XKR4: variants seen among roughly 807,000 people sequenced by gnomAD.
The protein encoded by XKR4 is XK related 4.
XKR4 carries 12 observed loss-of-function variants against 53.9 expected under a neutral mutation model. The observed-to-expected ratio is 0.22, with a 90% confidence interval of 0.14 to 0.36. XKR4 has a LOEUF of 0.36. XKR4 is among the 10% of genes least tolerant of loss of function. The pLI, the probability that XKR4 is intolerant of heterozygous loss-of-function variation, is 1.00. For synonymous variants in XKR4, 354 were observed against 362.4 expected, an observed-to-expected ratio of 0.98 and a Z score of 0.26; for missense variants, 799 against 859.5, an observed-to-expected ratio of 0.93 and a Z score of 0.88.
chr8:55,167,838 G>A (rs1817090854), intron 1 of XKR4, among the ~76,000 whole-genome samples: 1 of 152,208 alleles, frequency 6.6e-6, no homozygotes, highest in Non-Finnish European at 1.5e-5. Context: ...AGAGACCAAA[G>A]AGATGGGGCT....
At position 55,524,311 on chromosome 8, in the gene XKR4, C is replaced by G; in HGVS notation, c.*84C>G. ...GCCATAATGACACTTCATCCTAGAG[C>G]AGGGCAGTGAGCCGTGAAGTTCCTA... On this transcript the variant is annotated 3_prime_UTR_variant, in exon 3 of 3. Coordinates refer to ENST00000327381, the MANE Select transcript of XKR4 (RefSeq NM_052898.2). The G allele has an allele frequency of 2.2e-6, 3 of 1,358,280 alleles. No individual in the cohort carries two copies. Among genetic ancestry groups the G allele is most frequent in the Non-Finnish European group, 3.0e-6 (3 of 990,696 alleles). 84.1% of individuals were successfully genotyped at this position (1,358,280 alleles called of 1,614,324 possible). A position where few individuals can be genotyped will look rare whatever the true frequency, so the allele number is the denominator to read the frequency against.
chr8:55,277,230 C>A (rs898513534), intron 1 of XKR4, among the ~76,000 whole-genome samples: 2 of 152,170 alleles, frequency 1.3e-5, no homozygotes, highest in African/African-American at 4.8e-5. Context: ...GATATGTTCA[C>A]CATCCATCAT....
chr8:55,121,029 CT>C (rs1816384034), intron 1 of XKR4, among the ~76,000 whole-genome samples: 1 of 152,166 alleles, frequency 6.6e-6, no homozygotes, highest in African/African-American at 2.4e-5. Flanking sequence ...TCCTCCATAT[CT>C]TTTATGGCTT....
chr8:55,410,177 C>A (rs550500916), intron 2 of XKR4, among the ~76,000 whole-genome samples: 5 of 152,286 alleles, frequency 3.3e-5, no homozygotes, highest in Admixed American at 6.5e-5. Context: ...GACTCACCCC[C>A]CTTCTGGCTG....
Position 55,304,612 on chromosome 8 carries a change from T to C in XKR4, c.807-53066T>C, listed in dbSNP as rs184591794. Among the ~76,000 whole-genome samples, 4 of 152,272 alleles carry C rather than the reference T, an allele frequency of 2.6e-5. No individual in the cohort carries two copies. In the East Asian group the frequency reaches 7.7e-4, roughly 29 times the overall value. On this transcript the variant is annotated intron_variant, in intron 1 of 2. Transcript: ENST00000327381. ...GACAGTGGGGTGTTAAAGTCTCCCA[T>C]TATTATTGTGTGGGAGTCTAAGTCT...
intron 1 of XKR4, among the ~76,000 whole-genome samples, chr8:55,304,377 T>C (rs1038212006): frequency 2.0e-5 from 3 of 152,210 alleles, no homozygotes; most frequent in Non-Finnish European, 4.4e-5. Context: ...TGTTATAATT[T>C]GTGTTCTTTT....
intron 2 of XKR4, chr8:55,517,518 G>A (rs998513705): frequency 6.6e-6 from 1 of 152,242 alleles, no homozygotes; most frequent in Non-Finnish European, 1.5e-5. Flanking sequence ...CCAAAGGAAT[G>A]AATGATGCTT....
intron 1 of XKR4, among the ~76,000 whole-genome samples, chr8:55,175,164 C>G (rs1054086241): frequency 6.6e-6 from 1 of 152,150 alleles, no homozygotes; most frequent in Non-Finnish European, 1.5e-5. Context: ...TGAGATTTGT[C>G]AGGAAACTCA....
At chr8:55,201,288 TGAG>T (rs1440150391) in intron 1 of XKR4, among the ~76,000 whole-genome samples, 1 of 152,176 alleles carries the variant, frequency 6.6e-6, no homozygotes, top group Non-Finnish European at 1.5e-5. Flanking sequence ...GCAGTTGAAT[TGAG>T]AAGACAATGC....
chr8:55,326,178 CT>C (rs1240631980), intron 1 of XKR4, among the ~76,000 whole-genome samples: 3 of 152,092 alleles, frequency 2.0e-5, no homozygotes, highest in Non-Finnish European at 4.4e-5. Context: ...ACAGGCAGAC[CT>C]GTTAGTATAC....
At chr8:55,462,054 A>G (rs10106613) in intron 2 of XKR4, among the ~76,000 whole-genome samples, 119,082 of 152,220 alleles carry the variant, frequency 0.78, 47,319 homozygotes, top group African/African-American at 0.92. Flanking sequence ...CACTCTGCAG[A>G]ATATTATCCA....
At chr8:55,188,745 G>A (rs1317618332) in intron 1 of XKR4, among the ~76,000 whole-genome samples, 1 of 152,152 alleles carries the variant, frequency 6.6e-6, no homozygotes. Context: ...AAGATGCTTA[G>A]TAATTGTGTG....
At chr8:55,507,679 C>T (rs1806562424) in intron 2 of XKR4, among the ~76,000 whole-genome samples, 3 of 152,098 alleles carry the variant, frequency 2.0e-5, no homozygotes, top group Admixed American at 2.0e-4. Flanking sequence ...GACATGAACT[C>T]ATCATTTTTT....
At chr8:55,462,076 C>T (rs1257399049) in intron 2 of XKR4, among the ~76,000 whole-genome samples, 3 of 152,102 alleles carry the variant, frequency 2.0e-5, no homozygotes, top group Admixed American at 6.5e-5. Context: ...GAGAACTTCC[C>T]CAATCTAGCA....
intron 1 of XKR4, among the ~76,000 whole-genome samples, chr8:55,310,585 A>C (rs577822615): frequency 5.2e-4 from 79 of 152,344 alleles, no homozygotes; most frequent in Admixed American, 9.1e-4. Flanking sequence ...ATTTTGTAGA[A>C]GGGGCACTGG....
intron 1 of XKR4, among the ~76,000 whole-genome samples, chr8:55,303,370 T>C (rs535215150): frequency 4.5e-4 from 69 of 152,292 alleles, no homozygotes; most frequent in African/African-American, 1.6e-3. Flanking sequence ...GTGGATAAGC[T>C]TTTTGATGTG....
intron 1 of XKR4, among the ~76,000 whole-genome samples, chr8:55,228,497 A>G (rs1306432315): frequency 6.6e-6 from 1 of 152,188 alleles, no homozygotes; most frequent in African/African-American, 2.4e-5. Flanking sequence ...GACTTATTAC[A>G]AGTTCTCATT....
chr8:55,188,591 A>C lies in XKR4; in HGVS notation c.806+85297A>C, dbSNP rs139371338. On this transcript the variant is annotated intron_variant, in intron 1 of 2. Transcript: ENST00000327381. ...TCTGAAGTGTCTCCTTTGAAAACAG[A>C]AACCTGAATTCCTGATATTAACCAA... 5.3e-3 allele frequency among the ~76,000 whole-genome samples: 802 copies of C among 152,326 alleles called. 5 individuals are homozygous for C. The highest frequency in any genetic ancestry group is 8.2e-3 in the Non-Finnish European group (556 of 68,024).
chr8:55,125,462 G>C (rs1816452021), intron 1 of XKR4, among the ~76,000 whole-genome samples: 2 of 152,272 alleles, frequency 1.3e-5, no homozygotes, highest in African/African-American at 4.8e-5. Flanking sequence ...TCAAACTCCC[G>C]ACCTCAGGTG....
Sources: allele counts gnomAD v4.1 joint callset (sites outside exome capture counted in the v4.1 genomes callset), GRCh38; gene constraint gnomAD v4.1.1; transcripts MANE v1.5; gene names NCBI Gene and HGNC (gene_info 2026-07-23, HGNC 2026-07-21).